Variants in ACTR3B observed in about 807,000 individuals in gnomAD.
ACTR3B encodes the protein actin-related protein 3B.
A neutral mutation model predicts 59.0 loss-of-function variants in ACTR3B; 8 were observed. The ratio of observed to expected loss-of-function variants is 0.14; its 90% CI spans 0.08 to 0.24. ACTR3B has a LOEUF of 0.24. Ranked by LOEUF, ACTR3B falls within the 10% of genes least tolerant of loss-of-function variation. The pLI is 1.00. For missense variants in ACTR3B, 245 were observed against 552.3 expected (o/e 0.44, Z 5.58); for synonymous variants, 148 against 197.9 (o/e 0.75, Z 2.12).
chr7:152,763,901 T>G (rs2098099247), intron 1 of ACTR3B, among the ~76,000 whole-genome samples: 1 of 152,232 alleles, frequency 6.6e-6, no homozygotes, highest in Non-Finnish European at 1.5e-5. Context: ...AGAATGATAA[T>G]CCATTATGCC....
chr7:152,812,019 C>CTTTTTTTTTTTTTTTTTTTT lies in ACTR3B; in HGVS notation c.337-2521_337-2502dup, dbSNP rs1164677748. The CTTTTTTTTTTTTTTTTTTTT allele has an allele frequency of 2.1e-4, 5 of 23,378 alleles. 2 individuals carry two copies. Among genetic ancestry groups the CTTTTTTTTTTTTTTTTTTTT allele is most frequent in the African/African-American group, 5.7e-4 (5 of 8,844 alleles). The allele number at this position is 23,378 out of a possible 1,614,324, so 1.4% of individuals were successfully genotyped here. On this transcript the variant is annotated intron_variant, in intron 4 of 11. Coordinates refer to ENST00000256001, the MANE Select transcript of ACTR3B (RefSeq NM_020445.6). Reference sequence around the variant, plus strand: ...TTCTTAATTCCCAGAAAATAAAAGTCTTTTTTTTTTTTTTTTTTTTTTTTT... The same window carrying CTTTTTTTTTTTTTTTTTTTT: ...TTCTTAATTCCCAGAAAATAAAAGTCTTTTTTTTTTTTTTTTTTTTTTTTTTTTTTTTTTTTTTTTTTTTT...
chr7:152,844,401 A>G (rs1447587506), intron 9 of ACTR3B, among the ~76,000 whole-genome samples: 4 of 152,158 alleles, frequency 2.6e-5, no homozygotes, highest in Non-Finnish European at 5.9e-5. Context: ...AAAAAAATCT[A>G]TTACATTAAT....
chr7:152,788,370 C>T (rs1225617480), intron 2 of ACTR3B, among the ~76,000 whole-genome samples: 1 of 150,634 alleles, frequency 6.6e-6, no homozygotes, highest in Non-Finnish European at 1.5e-5. Context: ...ATTGTTTATT[C>T]ATGTCTCTCG....
intron 9 of ACTR3B, among the ~76,000 whole-genome samples, chr7:152,849,799 A>C (rs77537244): frequency 0.025 from 3,738 of 152,386 alleles, 136 homozygotes; most frequent in African/African-American, 0.084. Context: ...GCTGGCAGGT[A>C]ATCAGAGGTG....
At chr7:152,800,041 G>T (rs1354164070) in intron 2 of ACTR3B, among the ~76,000 whole-genome samples, 1 of 151,918 alleles carries the variant, frequency 6.6e-6, no homozygotes, top group South Asian at 2.1e-4. Flanking sequence ...CCTTTTAATG[G>T]GATAAATTTT....
At chr7:152,778,649 G>A (rs1232624343) in intron 1 of ACTR3B, among the ~76,000 whole-genome samples, 1 of 151,878 alleles carries the variant, frequency 6.6e-6, no homozygotes, top group Non-Finnish European at 1.5e-5. Context: ...CAAAATTGCT[G>A]CATTTGGTAG....
intron 4 of ACTR3B, among the ~76,000 whole-genome samples, chr7:152,804,285 C>G (rs186184686): frequency 6.6e-6 from 1 of 152,122 alleles, no homozygotes; most frequent in Non-Finnish European, 1.5e-5. Flanking sequence ...ATTAGAACTT[C>G]GGAAGGGATT....
At chr7:152,779,933 C>T (rs1021906706) in intron 1 of ACTR3B, among the ~76,000 whole-genome samples, 1 of 151,892 alleles carries the variant, frequency 6.6e-6, no homozygotes, top group Non-Finnish European at 1.5e-5. Context: ...AAGGAATAGC[C>T]CAGGAAAATG....
intron 9 of ACTR3B, among the ~76,000 whole-genome samples, chr7:152,825,356 G>A (rs568497945): frequency 7.3e-4 from 111 of 152,090 alleles, no homozygotes; most frequent in African/African-American, 2.5e-3. Flanking sequence ...CTGTCACCCG[G>A]GCTGGAGTGC....
intron 9 of ACTR3B, among the ~76,000 whole-genome samples, chr7:152,844,992 G>A (rs1183854809): frequency 2.0e-5 from 3 of 147,858 alleles, no homozygotes; most frequent in Non-Finnish European, 4.5e-5. Flanking sequence ...TAGTACAACC[G>A]GTGAGCTCTC....
chr7:152,833,912 T>C (rs1159554036), intron 9 of ACTR3B, among the ~76,000 whole-genome samples: 1 of 152,008 alleles, frequency 6.6e-6, no homozygotes, highest in Non-Finnish European at 1.5e-5. Context: ...ATTCAGTCGA[T>C]ATAGTGAACT....
chr7:152,759,822 A>T lies in ACTR3B; in HGVS notation c.-61A>T. 2 of 1,173,474 alleles carry T rather than the reference A, an allele frequency of 1.7e-6. No homozygotes were observed. The highest frequency in any genetic ancestry group is 2.1e-6 in the Non-Finnish European group (2 of 946,004). 72.7% of individuals were successfully genotyped at this position (1,173,474 alleles called of 1,614,324 possible). A position where few individuals can be genotyped will look rare whatever the true frequency, so the allele number is the denominator to read the frequency against. On this transcript the variant is annotated 5_prime_UTR_variant, in exon 1 of 12. Coordinates refer to ENST00000256001, the MANE Select transcript of ACTR3B (RefSeq NM_020445.6). The stretch of plus-strand genomic sequence containing the variant: ...TGCGCGCGGGGCTAGCGGGCGGCGG[A>T]GCGGACGGCGACGGGGCGCTCTCGG...
chr7:152,825,352 C>G (rs1425377188), intron 9 of ACTR3B, among the ~76,000 whole-genome samples: 6 of 152,120 alleles, frequency 3.9e-5, no homozygotes, highest in Non-Finnish European at 8.8e-5. Flanking sequence ...TGCTCTGTCA[C>G]CCGGGCTGGA....
chr7:152,852,090 T>A (rs1408514153), intron 9 of ACTR3B, 36 bp from the exon 10 acceptor site: 1 of 1,613,116 alleles, frequency 6.2e-7, no homozygotes, highest in Non-Finnish European at 8.5e-7. Flanking sequence ...GGGCGGGCGG[T>A]TTTACCCAGG....
chr7:152,772,810 T>A (rs889851947), intron 1 of ACTR3B, among the ~76,000 whole-genome samples: 4 of 149,920 alleles, frequency 2.7e-5, no homozygotes, highest in African/African-American at 9.8e-5. Flanking sequence ...GCAAAAACAA[T>A]TGAATAAATA....
rs1281153050 is a variant in ACTR3B at position 152,776,607 on chromosome 7, ATAAG to A, written c.45-6576_45-6573del. On this transcript the variant is annotated intron_variant, in intron 1 of 11. Coordinates refer to ENST00000256001, the MANE Select transcript of ACTR3B (RefSeq NM_020445.6). ...AGTATACAAAAAATAATATTCAGTAATAAGTAAATAAATCACTGCACCATGAAAT... is the reference window on the plus strand; with the variant it reads ...AGTATACAAAAAATAATATTCAGTAATAAATAAATCACTGCACCATGAAAT... Among the ~76,000 whole-genome samples the A allele has an allele frequency of 4.4e-4, 67 of 152,238 alleles. 1 individual carries two copies. The highest frequency in any genetic ancestry group is 1.5e-3 in the African/African-American group (62 of 41,532).
At chr7:152,796,906 C>T (rs1199471776) in intron 2 of ACTR3B, among the ~76,000 whole-genome samples, 2 of 64,090 alleles carry the variant, frequency 3.1e-5, no homozygotes, top group Non-Finnish European at 5.5e-5. Context: ...TTTGTAGAGA[C>T]GGGTTTTCAC....
intron 10 of ACTR3B, 38 bp from the exon 11 acceptor site, chr7:152,853,456 G>T: frequency 6.3e-7 from 1 of 1,592,524 alleles, no homozygotes; most frequent in Non-Finnish European, 8.6e-7. Flanking sequence ...ACATGTGTCT[G>T]TGGGTGTGGG....
At chr7:152,809,783 C>T (rs1421569651) in intron 4 of ACTR3B, among the ~76,000 whole-genome samples, 4 of 152,020 alleles carry the variant, frequency 2.6e-5, no homozygotes, top group Middle Eastern at 3.2e-3. Context: ...CCTCATGATC[C>T]GCCCACCTCA....
Sources: gnomAD v4.1 joint callset for allele counts (sites outside exome capture counted in the v4.1 genomes callset) on GRCh38, gnomAD v4.1.1 for gene constraint, MANE v1.5 for transcripts, NCBI Gene and HGNC (gene_info 2026-07-23, HGNC 2026-07-21) for gene names.